Variants in SHISA6 observed in about 807,000 individuals in gnomAD.
SHISA6 encodes shisa family member 6, also known as protein shisa-6.
In SHISA6, 22 loss-of-function variants were observed where a neutral mutation model predicts 47.9. That is an observed-to-expected ratio of 0.46 (90% CI 0.33 to 0.66). SHISA6 has a LOEUF of 0.66. Ranked by LOEUF, SHISA6 falls within the 30% of genes least tolerant of loss-of-function variation. The pLI is 0.02. For synonymous variants in SHISA6, 388 were observed against 337.8 expected (o/e 1.15, Z -1.63); for missense variants, 680 against 764.6 (o/e 0.89, Z 1.30).
intron 2 of SHISA6, among the ~76,000 whole-genome samples, chr17:11,272,232 C>G (rs1597433016): frequency 6.6e-6 from 1 of 152,162 alleles, no homozygotes; most frequent in South Asian, 2.1e-4. Flanking sequence ...GGGACTCACT[C>G]TCTGTCTTCT....
chr17:11,484,168 A>C (rs1567618067), intron 3 of SHISA6, among the ~76,000 whole-genome samples: 1 of 152,232 alleles, frequency 6.6e-6, no homozygotes, highest in Non-Finnish European at 1.5e-5. Context: ...AAAAGGATAC[A>C]ATTAAATAAA....
intron 3 of SHISA6, among the ~76,000 whole-genome samples, chr17:11,396,067 ATTGTC>A (rs1913562110): frequency 6.6e-6 from 1 of 152,148 alleles, no homozygotes; most frequent in East Asian, 1.9e-4. Flanking sequence ...TTCAGTTCCT[ATTGTC>A]TTGAGTTTTT....
chr17:11,487,882 G>T (rs1403397585), intron 3 of SHISA6, among the ~76,000 whole-genome samples: 1 of 152,142 alleles, frequency 6.6e-6, no homozygotes, highest in Non-Finnish European at 1.5e-5. Context: ...CGTGAGGGCC[G>T]TAAAGTGCCT....
Position 11,434,210 on chromosome 17 carries a change from C to T in SHISA6, c.895+54701C>T, listed in dbSNP as rs138296477. ...TCCTGAGTAGCTGGGATTACAGATG[C>T]GTGCCACCACACCCAGCTAGTTTTT... On this transcript the variant is annotated intron_variant, in intron 3 of 5. Transcript: ENST00000441885. 4.8e-3 allele frequency among the ~76,000 whole-genome samples: 724 copies of T among 151,886 alleles called. 6 individuals are homozygous for T. Among genetic ancestry groups the T allele is most frequent in the African/African-American group, 0.017 (685 of 41,416 alleles).
At chr17:11,469,569 C>A (rs757712299) in intron 3 of SHISA6, among the ~76,000 whole-genome samples, 12 of 152,268 alleles carry the variant, frequency 7.9e-5, no homozygotes, top group African/African-American at 1.2e-4. Flanking sequence ...AGGAAGAAAG[C>A]AGAGCAGGGG....
At chr17:11,369,779 A>G (rs2142236616) in intron 2 of SHISA6, among the ~76,000 whole-genome samples, 1 of 152,310 alleles carries the variant, frequency 6.6e-6, no homozygotes, top group Non-Finnish European at 1.5e-5. Flanking sequence ...CCAGTCAGAG[A>G]CAAGAATTTG....
intron 3 of SHISA6, among the ~76,000 whole-genome samples, chr17:11,436,100 G>C (rs1246477323): frequency 6.6e-6 from 1 of 152,182 alleles, no homozygotes; most frequent in East Asian, 1.9e-4. Context: ...TAGGCTGAAT[G>C]CCTGGGGAGC....
At chr17:11,487,779 T>A (rs533665210) in intron 3 of SHISA6, among the ~76,000 whole-genome samples, 71 of 152,164 alleles carry the variant, frequency 4.7e-4, no homozygotes, top group Non-Finnish European at 9.6e-4. Flanking sequence ...TAGCTTGCAT[T>A]GCCCCCTCCC....
chr17:11,480,379 T>C (rs1460908953), intron 3 of SHISA6, among the ~76,000 whole-genome samples: 2 of 144,948 alleles, frequency 1.4e-5, no homozygotes, highest in Non-Finnish European at 3.0e-5. Flanking sequence ...AGTGAATCAA[T>C]AAATACTCAT....
At chr17:11,284,611 G>A (rs1039264374) in intron 2 of SHISA6, among the ~76,000 whole-genome samples, 1 of 152,132 alleles carries the variant, frequency 6.6e-6, no homozygotes, top group Admixed American at 6.5e-5. Context: ...CTCTGTATGG[G>A]TTCAAATAGG....
At chr17:11,435,722 G>A (rs1914916758) in intron 3 of SHISA6, among the ~76,000 whole-genome samples, 1 of 151,958 alleles carries the variant, frequency 6.6e-6, no homozygotes, top group South Asian at 2.1e-4. Context: ...CATATTTCTG[G>A]GCCTGTCATA....
chr17:11,417,365 T>G (rs1337303603), intron 3 of SHISA6, among the ~76,000 whole-genome samples: 1 of 152,160 alleles, frequency 6.6e-6, no homozygotes, highest in Non-Finnish European at 1.5e-5. Flanking sequence ...GGGTAATTTA[T>G]GTTTCGAATT....
chr17:11,430,893 G>A (rs749413370), intron 3 of SHISA6, among the ~76,000 whole-genome samples: 2 of 152,162 alleles, frequency 1.3e-5, no homozygotes, highest in Admixed American at 6.5e-5. Context: ...AGCACAGCAC[G>A]AGGCTTTTGA....
chr17:11,313,745 G>A (rs1205710870), intron 2 of SHISA6, among the ~76,000 whole-genome samples: 1 of 152,064 alleles, frequency 6.6e-6, no homozygotes, highest in Non-Finnish European at 1.5e-5. Flanking sequence ...CCAAACAGCA[G>A]CAACAATCTC....
rs529692052 is a variant in SHISA6, at chr17:11,533,685, C to T, written c.896-18211C>T. 2.7e-5 allele frequency among the ~76,000 whole-genome samples: 4 copies of T among 150,444 alleles called. No individual in the cohort carries two copies. The East Asian group carries it at 6.0e-4, about 22-fold the overall frequency. ...TCGGCTGACTGCCAGCTCTGCCTCC[C>T]GGGTTCACGCCATTCTCCTGCCTCA... On this transcript the variant is annotated intron_variant, in intron 3 of 5. Transcript: ENST00000441885.
At chr17:11,256,751 C>T (rs115643151) in intron 1 of SHISA6, among the ~76,000 whole-genome samples, 212 of 152,226 alleles carry the variant, frequency 1.4e-3, no homozygotes, top group African/African-American at 4.7e-3. Context: ...TTGATATTGA[C>T]GCTACCACAT....
intron 2 of SHISA6, among the ~76,000 whole-genome samples, chr17:11,307,924 A>T (rs1414523248): frequency 6.6e-6 from 1 of 152,290 alleles, no homozygotes; most frequent in South Asian, 2.1e-4. Flanking sequence ...AATAACTAAG[A>T]AGTGTTTAGT....
intron 3 of SHISA6, among the ~76,000 whole-genome samples, chr17:11,397,797 G>A (rs1913625819): frequency 6.6e-6 from 1 of 151,936 alleles, no homozygotes; most frequent in Admixed American, 6.6e-5. Flanking sequence ...GTTTTGCTAG[G>A]ACATCAGAGT....
intron 2 of SHISA6, among the ~76,000 whole-genome samples, chr17:11,320,668 AAAGAG>A (rs1355501285): frequency 6.1e-5 from 9 of 148,406 alleles, no homozygotes; most frequent in African/African-American, 1.7e-4. Flanking sequence ...CCAAAAAAAA[AAAGAG>A]AGAGAGAGAG....
Sources: gnomAD v4.1 joint callset for allele counts (sites outside exome capture counted in the v4.1 genomes callset) on GRCh38, gnomAD v4.1.1 for gene constraint, MANE v1.5 for transcripts, NCBI Gene and HGNC (gene_info 2026-07-23, HGNC 2026-07-21) for gene names.